Variants in IQCK observed in about 807,000 individuals in gnomAD.
The protein encoded by IQCK is IQ motif containing K.
A neutral mutation model predicts 28.1 loss-of-function variants in IQCK; 29 were observed. The observed-to-expected ratio is 1.03, with a 90% confidence interval of 0.77 to 1.41. IQCK has a LOEUF of 1.41. IQCK is among the 40% of genes most tolerant of loss of function. IQCK has a pLI of 0.00. For synonymous variants in IQCK, 113 were observed against 115.1 expected (o/e 0.98, Z 0.12); for missense variants, 359 against 314.7 (o/e 1.14, Z -1.07).
chr16:19,826,220 C>G (rs1474630268), intron 7 of IQCK, among the ~76,000 whole-genome samples: 3 of 152,084 alleles, frequency 2.0e-5, no homozygotes, highest in Non-Finnish European at 4.4e-5. Flanking sequence ...GTTGCCCAGG[C>G]TGGTCTTGAA....
intron 6 of IQCK, among the ~76,000 whole-genome samples, chr16:19,779,344 GGA>G (rs2055442708): frequency 2.0e-5 from 3 of 152,130 alleles, no homozygotes; most frequent in African/African-American, 4.8e-5. Context: ...GGATGTTGTG[GGA>G]GAGAGAGGAG....
At chr16:19,782,743 A>G (rs2151727931) in intron 6 of IQCK, among the ~76,000 whole-genome samples, 1 of 152,312 alleles carries the variant, frequency 6.6e-6, no homozygotes, top group East Asian at 1.9e-4. Flanking sequence ...GTGTTTTTTG[A>G]TGACACCTCT....
At chr16:19,747,939 G>A (rs548389994) in intron 4 of IQCK, among the ~76,000 whole-genome samples, 4 of 152,252 alleles carry the variant, frequency 2.6e-5, no homozygotes, top group Non-Finnish European at 4.4e-5. Flanking sequence ...TATACACTGC[G>A]TTAGAAATAA....
At chr16:19,830,670 T>C (rs557321609), downstream of IQCK, among the ~76,000 whole-genome samples, 4 of 152,322 alleles carry the variant, frequency 2.6e-5, no homozygotes, top group Non-Finnish European at 5.9e-5. Context: ...AAAGGACAGG[T>C]AAAGGACCGG....
chr16:19,780,018 C>CTTATTTAT (rs57997707), intron 6 of IQCK, among the ~76,000 whole-genome samples: 52 of 128,916 alleles, frequency 4.0e-4, no homozygotes, highest in Admixed American at 7.4e-4. Flanking sequence ...CGTGCCCAGC[C>CTTATTTAT]TTATTTATTT....
intron 4 of IQCK, among the ~76,000 whole-genome samples, chr16:19,743,359 C>T (rs1020252511): frequency 3.3e-5 from 5 of 152,114 alleles, no homozygotes; most frequent in African/African-American, 4.8e-5. Context: ...ATGGGGAGAC[C>T]GCCTAAGTCT....
intron 7 of IQCK, among the ~76,000 whole-genome samples, chr16:19,792,724 A>G (rs1217265619): frequency 9.0e-6 from 1 of 111,300 alleles, no homozygotes; most frequent in Non-Finnish European, 1.6e-5. Flanking sequence ...GGCGCCTGCC[A>G]CCACACCCAG....
At chr16:19,811,603 C>T (rs1567566399) in intron 7 of IQCK, among the ~76,000 whole-genome samples, 1 of 152,168 alleles carries the variant, frequency 6.6e-6, no homozygotes, top group African/African-American at 2.4e-5. Context: ...CACCAAAAAG[C>T]AGCTGCTCTT....
intron 1 of IQCK, among the ~76,000 whole-genome samples, chr16:19,727,592 C>G (rs375524132): frequency 2.0e-5 from 3 of 150,030 alleles, no homozygotes; most frequent in African/African-American, 4.9e-5. Context: ...GTCACCCCCC[C>G]CCCCCAAAAA....
chr16:19,810,620 C>T (rs2055892283), intron 7 of IQCK, among the ~76,000 whole-genome samples: 2 of 151,896 alleles, frequency 1.3e-5, no homozygotes, highest in African/African-American at 4.8e-5. Flanking sequence ...TGAGACTAGC[C>T]TGGCCAACAT....
intron 6 of IQCK, among the ~76,000 whole-genome samples, chr16:19,771,293 TG>T: frequency 1.3e-5 from 2 of 152,308 alleles, no homozygotes; most frequent in South Asian, 4.1e-4. Context: ...TGTTTTGGCA[TG>T]TTGCCCAGGT....
At chr16:19,748,172 T>G (rs538994770) in intron 4 of IQCK, among the ~76,000 whole-genome samples, 69 of 150,728 alleles carry the variant, frequency 4.6e-4, no homozygotes, top group African/African-American at 1.4e-3. Context: ...CCTCCCAGGT[T>G]CAAGCAATTC....
Position 19,790,682 on chromosome 16 carries a change from G to A in IQCK, c.690+1760G>A, listed in dbSNP as rs1257587143. On this transcript the variant is annotated intron_variant, in intron 7 of 7. Transcript: ENST00000564186. ...CTGTCCCTGAACACAAGAGCTTACT[G>A]TATGAGTCAGTATTGTCCAGTTATT... 3.5e-5 allele frequency among the ~76,000 whole-genome samples: 4 copies of A among 112,704 alleles called. 1 individual carries two copies. The highest frequency in any genetic ancestry group is 6.2e-5 in the Non-Finnish European group (4 of 64,212). The allele number at this position is 112,704 out of a possible 152,430, so 73.9% of individuals were successfully genotyped here. A position where few individuals can be genotyped will look rare whatever the true frequency, so the allele number is the denominator to read the frequency against.
chr16:19,828,677 G>A (rs1293643748), downstream of IQCK, among the ~76,000 whole-genome samples: 1 of 149,768 alleles, frequency 6.7e-6, no homozygotes, highest in African/African-American at 2.4e-5. Context: ...AGAAGTTCAA[G>A]ACCAGCCTGG....
intron 7 of IQCK, among the ~76,000 whole-genome samples, chr16:19,810,888 A>T (rs1341509213): frequency 6.6e-6 from 1 of 152,224 alleles, no homozygotes; most frequent in African/African-American, 2.4e-5. Context: ...TAATATGTAT[A>T]AAAGTCTTAA....
intron 2 of IQCK, among the ~76,000 whole-genome samples, chr16:19,731,112 A>G (rs981381703): frequency 6.6e-6 from 1 of 152,168 alleles, no homozygotes; most frequent in Non-Finnish European, 1.5e-5. Context: ...GGATGAGAAG[A>G]GCCTTTGCAG....
chr16:19,737,576 T>C (rs1364079832), intron 4 of IQCK, among the ~76,000 whole-genome samples: 1 of 152,192 alleles, frequency 6.6e-6, no homozygotes, highest in Non-Finnish European at 1.5e-5. Flanking sequence ...GGTAGCACGC[T>C]TAGGAAGGAA....
chr16:19,815,280 A>G (rs890992450), intron 7 of IQCK, among the ~76,000 whole-genome samples: 1 of 152,184 alleles, frequency 6.6e-6, no homozygotes, highest in Admixed American at 6.6e-5. Flanking sequence ...TAAGAGGACT[A>G]CTGTCCCACC....
chr16:19,827,396 C>T (rs1272131039), downstream of IQCK, among the ~76,000 whole-genome samples: 3 of 152,100 alleles, frequency 2.0e-5, no homozygotes, highest in Admixed American at 6.6e-5. Context: ...TTTGAAGCTA[C>T]AAGACATCAA....
Sources: allele counts gnomAD v4.1 joint callset (sites outside exome capture counted in the v4.1 genomes callset), GRCh38; gene constraint gnomAD v4.1.1; transcripts MANE v1.5; gene names NCBI Gene and HGNC (gene_info 2026-07-23, HGNC 2026-07-21).